The following BICRA variants were observed in gnomAD, a reference collection of about 807,000 sequenced individuals.
BICRA encodes the protein BRD4 interacting chromatin remodeling complex associated protein.
A neutral mutation model predicts 96.9 loss-of-function variants in BICRA; 31 were observed. That is an observed-to-expected ratio of 0.32 (90% CI 0.24 to 0.43). The LOEUF (loss-of-function observed/expected upper bound fraction) is 0.43, where lower values mean the gene tolerates loss of function less well. Among genes scored for constraint, BICRA ranks in the 20% least tolerant of loss-of-function variants. The pLI, the probability that BICRA is intolerant of heterozygous loss-of-function variation, is 1.00. For missense variants in BICRA, 2,283 were observed against 2,190.3 expected, an observed-to-expected ratio of 1.04 and a Z score of -0.84; for synonymous variants, 1,350 against 1,071.8, an observed-to-expected ratio of 1.26 and a Z score of -5.07.
Position 47,686,730 on chromosome 19 carries a change from G to C in BICRA, c.2283+4578G>C, listed in dbSNP as rs1158133966. ...TGGTTCCAACTCCCTAAGATGACTT[G>C]AGCCATTACCAATGGTTACTATGTG... On this transcript the variant is annotated intron_variant, in intron 7 of 14. Coordinates refer to ENST00000594866, the MANE Select transcript of BICRA (RefSeq NM_001394372.1). Among the ~76,000 whole-genome samples the C allele has an allele frequency of 2.6e-5, 4 of 152,164 alleles. No homozygotes were observed. In the South Asian group the frequency reaches 8.3e-4, roughly 31 times the overall value.
At position 47,702,069 on chromosome 19, in the gene BICRA, G is replaced by C; in HGVS notation, c.4337G>C (p.Gly1446Ala). 1 of 1,511,032 alleles carries C rather than the reference G, an allele frequency of 6.6e-7. No individual in the cohort carries two copies. Among genetic ancestry groups the C allele is most frequent in the Non-Finnish European group, 8.8e-7 (1 of 1,138,164 alleles). The allele number at this position is 1,511,032 out of a possible 1,614,324, so 93.6% of individuals were successfully genotyped here. The change falls in exon 15 of 15, where the codon GGC (glycine) becomes GCC (alanine). Residue 1446 changes from glycine (G) to alanine (A), a missense_variant. Coordinates refer to ENST00000594866, the MANE Select transcript of BICRA (RefSeq NM_001394372.1). ...GAGCTGTACCAGCGTATGCTGAAGG[G>C]CCCCCCGCCAGAGCCCGCAGCCAGC... ...EDELYQRMLK[G>A]PPPEPAASAA...
At chr19:47,692,794 C>G (rs1024845746) in intron 7 of BICRA, among the ~76,000 whole-genome samples, 1 of 152,200 alleles carries the variant, frequency 6.6e-6, no homozygotes, top group Non-Finnish European at 1.5e-5. Flanking sequence ...GACTTAGAGG[C>G]CAAAGCTGGT....
At position 47,673,707 on chromosome 19, in the gene BICRA, T is replaced by C; in HGVS notation, c.42-13T>C. ...TCCTTACCTCCTCAGCGTCTCTTCC[T>C]CTTCTCTTCCAGTGACCCACAGGCC... On this transcript the variant is annotated splice_polypyrimidine_tract_variant and intron_variant, in intron 3 of 14. Coordinates refer to ENST00000594866, the MANE Select transcript of BICRA (RefSeq NM_001394372.1). 1.3e-6 allele frequency: 2 copies of C among 1,542,286 alleles called. No individual in the cohort carries two copies. The highest frequency in any genetic ancestry group is 1.1e-5 in the South Asian group (1 of 89,910).
intron 2 of BICRA, 49 bp from the exon 3 acceptor site, chr19:47,673,521 A>C: frequency 1.3e-6 from 2 of 1,548,134 alleles, no homozygotes; most frequent in Non-Finnish European, 1.8e-6. Flanking sequence ...CAAGCTGCCA[A>C]AATCTAACCT....
chr19:47,648,948 C>T (rs4802378), intron 1 of BICRA, among the ~76,000 whole-genome samples: 71,011 of 150,770 alleles, frequency 0.47, 17,414 homozygotes, highest in East Asian at 0.77. Context: ...GCCTCCTGGG[C>T]TCACGCCATT....
rs750171796 is a variant in BICRA, at chr19:47,701,602, C to T, written c.3870C>T (p.Pro1290=). ...ACGCCGACGAGGACGGCCCCATGCCCTCCCGCAACCGCCCGCCCATCAAGA... is the reference window on the plus strand; with the variant it reads ...ACGCCGACGAGGACGGCCCCATGCCTTCCCGCAACCGCCCGCCCATCAAGA... ...SLDADEDGPM[P]SRNRPPIKTY... is the part of the protein sequence containing the mutation. Residue 1290 remains proline, a synonymous_variant, in exon 15 of 15, where the codon CCC becomes CCT. Transcript: ENST00000594866. The surrounding 1 kb of genome is among the most constrained non-coding windows in gnomAD (Gnocchi z 5.4). 1.6e-5 allele frequency: 25 copies of T among 1,559,664 alleles called. No homozygotes were observed. The highest frequency in any genetic ancestry group is 1.2e-4 in the Admixed American group (6 of 51,810).
rs1301077470 is a variant in BICRA at position 47,680,253 on chromosome 19, C to T, written c.1083C>T (p.Pro361=). The change falls in exon 6 of 15, where the codon CCC becomes CCT. Residue 361 remains proline (P), a synonymous_variant. Transcript: ENST00000594866. The part of the protein sequence containing the change: ...IQPKPAGVLP[P]KLYQLTPKPF... ...CCAAGCCCGCGGGGGTGCTGCCGCC[C>T]AAGCTCTACCAGCTGACGCCCAAGC... is the stretch of plus-strand genomic sequence containing the variant. The T allele has an allele frequency of 1.9e-6, 3 of 1,561,794 alleles. No homozygotes were observed. The highest frequency in any genetic ancestry group is 2.7e-5 in the African/African-American group (2 of 73,370).
At position 47,681,093 on chromosome 19, in the gene BICRA, GCCGCAGGCGCAGCAGCCC is replaced by G. The variant is rs1252073689; in HGVS notation, c.1932_1949del (p.Gln645_Ala650del). ...CACCCCTGCCCCTGGGCCTCCAGCA[GCCGCAGGCGCAGCAGCCC>G]CCGCAGGCCCCCACCCCACAGGCCG... is the stretch of plus-strand genomic sequence containing the variant. On this transcript the variant is annotated inframe_deletion, in exon 6 of 15. Coordinates refer to ENST00000594866, the MANE Select transcript of BICRA (RefSeq NM_001394372.1). 4 of 1,448,462 alleles carry G rather than the reference GCCGCAGGCGCAGCAGCCC, an allele frequency of 2.8e-6. No individual in the cohort carries two copies. The Admixed American group carries it at 7.2e-5, about 26-fold the overall frequency. 89.7% of individuals were successfully genotyped at this position (1,448,462 alleles called of 1,614,324 possible).
At chr19:47,618,103 G>C (rs1326496877) in intron 1 of BICRA, among the ~76,000 whole-genome samples, 1 of 152,198 alleles carries the variant, frequency 6.6e-6, no homozygotes, top group Non-Finnish European at 1.5e-5. Flanking sequence ...AACCCTGTGG[G>C]TTGTTTCTGA....
Position 47,679,761 on chromosome 19 carries a change from C to A in BICRA, c.591C>A (p.Phe197Leu). The change falls in exon 6 of 15, where the codon TTC becomes TTA. Residue 197 changes from phenylalanine to leucine, a missense_variant. Physicochemically the swap from Phe to Leu is conservative, Grantham distance 22 (BLOSUM62 0). Transcript: ENST00000594866. ...VVNKALSVQP[F>L]LQPVGLGNVT... Reference sequence around the variant, plus strand: ...ACAAGGCCCTGAGTGTGCAGCCCTTCCTGCAGCCTGTGGGCCTGGGCAATG... The same window carrying A: ...ACAAGGCCCTGAGTGTGCAGCCCTTACTGCAGCCTGTGGGCCTGGGCAATG... The A allele has an allele frequency of 6.6e-7, 1 of 1,521,406 alleles. No homozygotes were observed. The allele number at this position is 1,521,406 out of a possible 1,614,324, so 94.2% of individuals were successfully genotyped here.
At chr19:47,646,670 TGAGACACAGC>T (rs1357669270) in intron 1 of BICRA, among the ~76,000 whole-genome samples, 1 of 152,164 alleles carries the variant, frequency 6.6e-6, no homozygotes, top group Admixed American at 6.5e-5. Flanking sequence ...AAATGGAAAT[TGAGACACAGC>T]GAGGTGAAGT....
rs10405077 is a variant in BICRA, at chr19:47,690,243, C to T, written c.2284-3872C>T. The stretch of plus-strand genomic sequence containing the variant: ...TCTCAAACTCCTGACCTCAGGTGAT[C>T]CACCCGCCTCAGCCTCCCAAAGTGC... On this transcript the variant is annotated intron_variant, in intron 7 of 14. Coordinates refer to ENST00000594866, the MANE Select transcript of BICRA (RefSeq NM_001394372.1). Among the ~76,000 whole-genome samples the T allele has an allele frequency of 8.3e-3, 1,258 of 152,156 alleles. 18 individuals carry two copies. The highest frequency in any genetic ancestry group is 0.025 in the African/African-American group (1,049 of 41,524).
At chr19:47,670,645 T>C (rs1046565425) in intron 2 of BICRA, 101 bp downstream of exon 2, 1 of 152,328 alleles carries the variant, frequency 6.6e-6, no homozygotes, top group African/African-American at 2.4e-5. Flanking sequence ...GGAGCATTCC[T>C]TCCTGGAAGA....
At chr19:47,639,538 C>T (rs1972352801) in intron 1 of BICRA, among the ~76,000 whole-genome samples, 1 of 151,060 alleles carries the variant, frequency 6.6e-6, no homozygotes, top group Non-Finnish European at 1.5e-5. Flanking sequence ...ACCGTGTTAG[C>T]TAGGATGGTC....
chr19:47,660,029 A>T (rs1972682075), intron 1 of BICRA, among the ~76,000 whole-genome samples: 1 of 152,178 alleles, frequency 6.6e-6, no homozygotes, highest in Admixed American at 6.6e-5. Context: ...TTACATGTAC[A>T]TTAGTTTCCC....
chr19:47,646,899 A>T (rs1972467940), intron 1 of BICRA, among the ~76,000 whole-genome samples: 2 of 152,082 alleles, frequency 1.3e-5, no homozygotes, highest in Non-Finnish European at 2.9e-5. Flanking sequence ...ATTATAGAAC[A>T]TTTTCCTCAC....
Position 47,699,693 on chromosome 19 carries a change from A to G in BICRA, c.3595+288A>G, listed in dbSNP as rs1973410396. 6.6e-6 allele frequency among the ~76,000 whole-genome samples: 1 copy of G among 152,138 alleles called. No individual in the cohort carries two copies. Among genetic ancestry groups the G allele is most frequent in the African/African-American group, 2.4e-5 (1 of 41,408 alleles). ...ACCCCCGTGGGACACAAAACAGGAG[A>G]GCAGGCGCCTAGGTTGCAAAATATA... On this transcript the variant is annotated intron_variant, in intron 14 of 14. Coordinates refer to ENST00000594866, the MANE Select transcript of BICRA (RefSeq NM_001394372.1). The surrounding 1 kb of genome is among the most constrained non-coding windows in gnomAD (Gnocchi z 5.0).
chr19:47,615,093 C>T (rs914503121), intron 1 of BICRA, among the ~76,000 whole-genome samples: 5 of 152,186 alleles, frequency 3.3e-5, no homozygotes, highest in East Asian at 1.9e-4. Context: ...AAGTGAGCCT[C>T]GCATCTCAGC....
chr19:47,638,930 T>G (rs558802263), intron 1 of BICRA, among the ~76,000 whole-genome samples: 4 of 152,156 alleles, frequency 2.6e-5, no homozygotes, highest in African/African-American at 9.7e-5. Flanking sequence ...TCTGGTATTA[T>G]AGGCTGGAGC....
Sources: gnomAD v4.1 joint callset for allele counts (sites outside exome capture counted in the v4.1 genomes callset) on GRCh38, gnomAD v4.1.1 for gene constraint, Gnocchi (gnomAD v3.1) non-coding constraint, MANE v1.5 for transcripts, NCBI Gene and HGNC (gene_info 2026-07-23, HGNC 2026-07-21) for gene names.